The following SALL3 variants were observed in gnomAD, a reference collection of about 807,000 sequenced individuals.
The protein encoded by SALL3 is sal-like protein 3.
SALL3 carries 25 observed loss-of-function variants against 66.2 expected under a neutral mutation model. That is an observed-to-expected ratio of 0.38 (90% CI 0.28 to 0.53). SALL3 has a LOEUF of 0.53. Among genes scored for constraint, SALL3 ranks in the 20% least tolerant of loss-of-function variants. The pLI, the probability that SALL3 is intolerant of heterozygous loss-of-function variation, is 0.85. For missense variants in SALL3, 2,194 were observed against 1,916.5 expected, an observed-to-expected ratio of 1.14 and a Z score of -2.70; for synonymous variants, 1,152 against 899.1, an observed-to-expected ratio of 1.28 and a Z score of -5.03.
At chr18:78,980,404 C>T (rs1318586675) in intron 1 of SALL3, 48 bp downstream of exon 1, 5 of 1,218,766 alleles carry the variant, frequency 4.1e-6, no homozygotes, top group Non-Finnish European at 5.3e-6. Context: ...GGCTGCCCGT[C>T]CGGGCTGGGG....
intron 1 of SALL3, among the ~76,000 whole-genome samples, chr18:78,983,087 A>AGGATAATTTATGTAAATTAT (rs1232906437): frequency 6.6e-6 from 1 of 152,248 alleles, no homozygotes; most frequent in African/African-American, 2.4e-5. Flanking sequence ...AATGAGAAAA[A>AGGATAATTTATGTAAATTAT]GTAAGGATAA....
rs1218582647 is a variant in SALL3 at position 78,992,388 on chromosome 18, C to G, written c.397C>G (p.Pro133Ala). The G allele has an allele frequency of 1.5e-6, 2 of 1,326,176 alleles. No individual in the cohort carries two copies. The highest frequency in any genetic ancestry group is 1.9e-6 in the Non-Finnish European group (2 of 1,044,434). 82.2% of individuals were successfully genotyped at this position (1,326,176 alleles called of 1,614,324 possible). Residue 133 changes from proline (P) to alanine (A), a missense_variant, in exon 2 of 3, where the codon CCC becomes GCC. Coordinates refer to ENST00000537592, the MANE Select transcript of SALL3 (RefSeq NM_171999.4). ...EARPVEKEAE[P>A]MDAEPAGDTR... The stretch of plus-strand genomic sequence containing the variant: ...CAGGCCGGTGGAGAAGGAGGCCGAG[C>G]CCATGGACGCGGAACCCGCGGGGGA...
chr18:78,991,826 TC>T (rs1914443516), intron 1 of SALL3: 2 of 412,434 alleles, frequency 4.8e-6, no homozygotes, highest in Non-Finnish European at 8.5e-6. Flanking sequence ...ATATTGGAAA[TC>T]AATGGCTTCT....
chr18:78,989,167 G>A (rs546724144), intron 1 of SALL3, among the ~76,000 whole-genome samples: 2 of 151,930 alleles, frequency 1.3e-5, no homozygotes, highest in Non-Finnish European at 2.9e-5. Context: ...TTCTACGCAC[G>A]GTTTCCACAA....
rs756965581 is a variant in SALL3, at chr18:78,994,360, C to T, written c.2369C>T (p.Ala790Val). ...GAGCTGGCCTACGACGACAAGAACG[C>T]GGAGACCCTGAGCAGCTACGATGAC... Reference protein sequence around the residue: ...DSELAYDDKNAETLSSYDDDM... With the variant: ...DSELAYDDKNVETLSSYDDDM... The change falls in exon 2 of 3, where the codon GCG (alanine) becomes GTG (valine). Residue 790 changes from alanine (A) to valine (V), a missense_variant. Physicochemically the swap from Ala to Val is moderately conservative, Grantham distance 64. Transcript: ENST00000537592. 6.6e-5 allele frequency: 107 copies of T among 1,613,380 alleles called. No individual in the cohort carries two copies. In the South Asian group the frequency reaches 1.1e-3, roughly 17 times the overall value.
chr18:78,994,842 C>T lies in SALL3; in HGVS notation c.2851C>T (p.Pro951Ser). 1 of 1,597,988 alleles carries T rather than the reference C, an allele frequency of 6.3e-7. No individual in the cohort carries two copies. The highest frequency in any genetic ancestry group is 8.5e-7 in the Non-Finnish European group (1 of 1,172,576). Reference protein sequence around the residue: ...PAAAPGSGGAPGRAGIKEEAP... With the variant: ...PAAAPGSGGASGRAGIKEEAP... Reference sequence around the variant, plus strand: ...CGCCGCCCCGGGCAGCGGAGGCGCCCCTGGCCGCGCGGGCATCAAGGAGGA... The same window carrying T: ...CGCCGCCCCGGGCAGCGGAGGCGCCTCTGGCCGCGCGGGCATCAAGGAGGA... Residue 951 changes from proline (P) to serine (S), a missense_variant, in exon 2 of 3, where the codon CCT becomes TCT. Coordinates refer to ENST00000537592, the MANE Select transcript of SALL3 (RefSeq NM_171999.4).
Position 78,994,237 on chromosome 18 carries a change from C to T in SALL3, c.2246C>T (p.Thr749Ile), listed in dbSNP as rs377721381. Residue 749 changes from threonine (T) to isoleucine (I), a missense_variant, in exon 2 of 3, where the codon ACC becomes ATC. Coordinates refer to ENST00000537592, the MANE Select transcript of SALL3 (RefSeq NM_171999.4). ...TGCCCCATCTGCCAGAAGAAGTTCA[C>T]CAACGCCGTGGTCCTGCAGCAGCAC... is the stretch of plus-strand genomic sequence containing the variant. Reference protein sequence around the residue: ...HSCPICQKKFTNAVVLQQHIR... With the variant: ...HSCPICQKKFINAVVLQQHIR... 1.2e-6 allele frequency: 2 copies of T among 1,613,734 alleles called. No homozygotes were observed. Among genetic ancestry groups the T allele is most frequent in the Non-Finnish European group, 1.7e-6 (2 of 1,180,010 alleles).
intron 1 of SALL3, among the ~76,000 whole-genome samples, chr18:78,989,487 ATTCT>A (rs1293843396): frequency 1.3e-5 from 2 of 152,208 alleles, no homozygotes; most frequent in African/African-American, 4.8e-5. Flanking sequence ...ATGTAAGTTA[ATTCT>A]TTCAACACTA....
rs1403358216 is a variant in SALL3, at chr18:78,992,745, G to A, written c.754G>A (p.Gly252Ser). The change falls in exon 2 of 3, where the codon GGC (glycine) becomes AGC (serine). Residue 252 changes from glycine to serine, a missense_variant. Coordinates refer to ENST00000537592, the MANE Select transcript of SALL3 (RefSeq NM_171999.4). Reference sequence around the variant, plus strand: ...CCCCGCGGCCGCCCCGAGCGCACCGGGCCCGGCCCCCAGCCAGCTGCCCGG... The same window carrying A: ...CCCCGCGGCCGCCCCGAGCGCACCGAGCCCGGCCCCCAGCCAGCTGCCCGG... ...LSPAAAPSAP[G>S]PAPSQLPGLA... is the part of the protein sequence containing the mutation. 3.4e-6 allele frequency: 4 copies of A among 1,183,134 alleles called. No homozygotes were observed. Among genetic ancestry groups the A allele is most frequent in the Non-Finnish European group, 4.2e-6 (4 of 955,790 alleles). 73.3% of individuals were successfully genotyped at this position (1,183,134 alleles called of 1,614,324 possible). A position where few individuals can be genotyped will look rare whatever the true frequency, so the allele number is the denominator to read the frequency against.
In SALL3 at chr18:78,987,436, G is replaced by C. The variant is rs73500115; in HGVS notation, c.83-4638G>C. Among the ~76,000 whole-genome samples the C allele has an allele frequency of 7.9e-3, 1,205 of 152,236 alleles. 14 individuals are homozygous for C. The highest frequency in any genetic ancestry group is 0.027 in the African/African-American group (1,113 of 41,538). ...CGTCTTTGAAGCTATGCTTTTGTTA[G>C]AGGTTTTCTCTGAAAGGCCTGTGGG... On this transcript the variant is annotated intron_variant, in intron 1 of 2. Coordinates refer to ENST00000537592, the MANE Select transcript of SALL3 (RefSeq NM_171999.4).
rs1397661126 is a variant in SALL3 at position 78,993,014 on chromosome 18, C to T, written c.1023C>T (p.Ser341=). The change falls in exon 2 of 3, where the codon TCC becomes TCT. Residue 341 remains serine (S), a synonymous_variant. Coordinates refer to ENST00000537592, the MANE Select transcript of SALL3 (RefSeq NM_171999.4). ...CCTCGTCGCAGCCGCAGAGCGCATC[C>T]ACGCCGCCTGCCCTGGCCCCGGGGT... is the stretch of plus-strand genomic sequence containing the variant. The part of the protein sequence containing the change: ...SAASSQPQSA[S]TPPALAPGSL... 11 of 1,525,334 alleles carry T rather than the reference C, an allele frequency of 7.2e-6. No homozygotes were observed. The highest frequency in any genetic ancestry group is 9.6e-6 in the Non-Finnish European group (11 of 1,144,732). 94.5% of individuals were successfully genotyped at this position (1,525,334 alleles called of 1,614,324 possible).
chr18:78,995,766 ACGTG>A (rs1386220702), intron 2 of SALL3, among the ~76,000 whole-genome samples: 1 of 151,886 alleles, frequency 6.6e-6, no homozygotes, highest in Non-Finnish European at 1.5e-5. Context: ...TATATTTATA[ACGTG>A]CGTGTGCAAA....
rs762027925 is a variant in SALL3 at position 78,994,170 on chromosome 18, G to A, written c.2179G>A (p.Gly727Ser). The A allele has an allele frequency of 4.0e-5, 64 of 1,613,174 alleles. No individual in the cohort carries two copies. Among genetic ancestry groups the A allele is most frequent in the South Asian group, 7.7e-5 (7 of 91,078 alleles). Residue 727 changes from glycine to serine, a missense_variant, in exon 2 of 3, where the codon GGC becomes AGC. Gly to Ser is a moderately conservative substitution (Grantham distance 56, BLOSUM62 0). Transcript: ENST00000537592. ...TTKGNLKTHF[G>S]VHRAKPPLRV... ...CAAGGGCAACCTCAAGACGCACTTCGGCGTGCACCGTGCAAAGCCGCCCCT... is the reference window on the plus strand; with the variant it reads ...CAAGGGCAACCTCAAGACGCACTTCAGCGTGCACCGTGCAAAGCCGCCCCT...
rs759576604 is a variant in SALL3, at chr18:78,993,965, G to A, written c.1974G>A (p.Thr658=). The A allele has an allele frequency of 1.9e-6, 3 of 1,611,688 alleles. No homozygotes were observed. Among genetic ancestry groups the A allele is most frequent in the Non-Finnish European group, 2.5e-6 (3 of 1,179,410 alleles). The change falls in exon 2 of 3, where the codon ACG becomes ACA. Residue 658 remains threonine (T), a synonymous_variant. Transcript: ENST00000537592. The stretch of plus-strand genomic sequence containing the variant: ...GGGGGCTGCTAGACTCGATGCAAAC[G>A]TCGGAAACCTCGAAGCTGCAGCAGC... ...PFGGLLDSMQ[T]SETSKLQQLV...
intron 1 of SALL3, among the ~76,000 whole-genome samples, chr18:78,982,574 G>A (rs769720498): frequency 1.4e-4 from 21 of 152,136 alleles, no homozygotes; most frequent in Non-Finnish European, 2.8e-4. Context: ...GTCAAGGAAT[G>A]CCCCATTTGT....
chr18:78,991,269 A>G (rs1222701601), intron 1 of SALL3, among the ~76,000 whole-genome samples: 1 of 151,844 alleles, frequency 6.6e-6, no homozygotes, highest in Non-Finnish European at 1.5e-5. Flanking sequence ...GAAATATTGC[A>G]TCTGACAGAG....
Position 78,993,619 on chromosome 18 carries a change from C to G in SALL3, c.1628C>G (p.Ser543Cys). Residue 543 changes from serine to cysteine, a missense_variant, in exon 2 of 3, where the codon TCT becomes TGT. By Grantham distance (112) the Ser-to-Cys change is moderately radical. Coordinates refer to ENST00000537592, the MANE Select transcript of SALL3 (RefSeq NM_171999.4). Reference protein sequence around the residue: ...TVPGAHGYADSPSATPASRSP... With the variant: ...TVPGAHGYADCPSATPASRSP... ...CCTGGCGCGCACGGCTACGCCGACTCTCCCAGCGCCACCCCAGCCAGCCGC... is the reference window on the plus strand; with the variant it reads ...CCTGGCGCGCACGGCTACGCCGACTGTCCCAGCGCCACCCCAGCCAGCCGC... 6.3e-7 allele frequency: 1 copy of G among 1,585,188 alleles called. No homozygotes were observed.
In SALL3 at chr18:78,994,462, C is replaced by A. The variant is rs774043309; in HGVS notation, c.2471C>A (p.Ser824Tyr). ...ACCGACCCGGCCAAGCCACTCCTGT[C>A]CTACGCGGGGTCCTGCCCGCCCTCC... ...AATDPAKPLL[S>Y]YAGSCPPSPP... The change falls in exon 2 of 3, where the codon TCC becomes TAC. Residue 824 changes from serine to tyrosine, a missense_variant. Physicochemically the swap from Ser to Tyr is moderately radical, Grantham distance 144 (BLOSUM62 -2). Transcript: ENST00000537592. The A allele has an allele frequency of 6.2e-7, 1 of 1,612,682 alleles. No individual in the cohort carries two copies. Among genetic ancestry groups the A allele is most frequent in the Non-Finnish European group, 8.5e-7 (1 of 1,179,870 alleles).
Position 78,980,351 on chromosome 18 carries a change from A to T in SALL3, c.77A>T (p.Glu26Val). 1 of 1,436,698 alleles carries T rather than the reference A, an allele frequency of 7.0e-7. No homozygotes were observed. The allele number at this position is 1,436,698 out of a possible 1,614,324, so 89.0% of individuals were successfully genotyped here. Residue 26 changes from glutamate (E) to valine (V), a missense_variant, in exon 1 of 3, where the codon GAG becomes GTG. Transcript: ENST00000537592. ...EELLPPDGAP[E>V]HAAPGEGAED... ...CTGCTGCCGCCTGACGGGGCTCCCG[A>T]GCACGGTGAGGGCCGGGGCTGCGGG...
Sources: allele counts gnomAD v4.1 joint callset (sites outside exome capture counted in the v4.1 genomes callset), GRCh38; gene constraint gnomAD v4.1.1; transcripts MANE v1.5; gene names NCBI Gene and HGNC (gene_info 2026-07-23, HGNC 2026-07-21).